The following WWC1 variants were observed in gnomAD, a reference collection of about 807,000 sequenced individuals.
The protein encoded by WWC1 is protein KIBRA.
A neutral mutation model predicts 138.4 loss-of-function variants in WWC1; 55 were observed. The observed-to-expected ratio is 0.40, with a 90% CI of 0.32 to 0.50. WWC1 has a LOEUF of 0.50. Ranked by LOEUF, WWC1 falls within the 20% of genes least tolerant of loss-of-function variation. The probability of loss-of-function intolerance (pLI) is 0.72; values close to 1 mark genes in which losing one functional copy is unlikely to be tolerated. For synonymous variants in WWC1, 524 were observed against 564.9 expected, an observed-to-expected ratio of 0.93 and a Z score of 1.03; for missense variants, 1,226 against 1,420.4, an observed-to-expected ratio of 0.86 and a Z score of 2.20.
At chr5:168,386,229 T>G (rs1778034731) in intron 3 of WWC1, among the ~76,000 whole-genome samples, 1 of 151,868 alleles carries the variant, frequency 6.6e-6, no homozygotes, top group African/African-American at 2.4e-5. Flanking sequence ...GGCTGTCTGT[T>G]TATTTCCTTC....
chr5:168,424,781 A>G (rs1781375601), intron 11 of WWC1, among the ~76,000 whole-genome samples: 1 of 152,112 alleles, frequency 6.6e-6, no homozygotes, highest in African/African-American at 2.4e-5. Context: ...AGGAGTTTGG[A>G]TTTTATCCTA....
intron 2 of WWC1, among the ~76,000 whole-genome samples, chr5:168,374,513 G>A (rs893989947): frequency 8.5e-5 from 13 of 152,106 alleles, no homozygotes; most frequent in East Asian, 7.7e-4. Context: ...CACATTTAGC[G>A]GTCAAGGGAT....
intron 10 of WWC1, among the ~76,000 whole-genome samples, chr5:168,423,267 T>C (rs1301101908): frequency 6.6e-6 from 1 of 151,862 alleles, no homozygotes; most frequent in East Asian, 1.9e-4. Flanking sequence ...ACGTAGCCAA[T>C]TGGAGCTTTG....
At chr5:168,362,418 A>G (rs1365036166) in intron 1 of WWC1, among the ~76,000 whole-genome samples, 1 of 152,242 alleles carries the variant, frequency 6.6e-6, no homozygotes, top group Non-Finnish European at 1.5e-5. Context: ...GCCTGGATTC[A>G]AAGCCAGTGA....
At chr5:168,338,077 A>G (rs548609840) in intron 1 of WWC1, among the ~76,000 whole-genome samples, 2 of 152,042 alleles carry the variant, frequency 1.3e-5, no homozygotes, top group Non-Finnish European at 2.9e-5. Context: ...TTGGGAGGCC[A>G]AGGTGGGCAG....
At chr5:168,330,257 T>C (rs1772918582) in intron 1 of WWC1, among the ~76,000 whole-genome samples, 1 of 152,170 alleles carries the variant, frequency 6.6e-6, no homozygotes, top group African/African-American at 2.4e-5. Context: ...GGCAATCGGC[T>C]TGGGACCCAC....
chr5:168,375,259 G>A (rs142492095), intron 2 of WWC1, among the ~76,000 whole-genome samples: 1 of 152,124 alleles, frequency 6.6e-6, no homozygotes, highest in South Asian at 2.1e-4. Context: ...AGGGTGGCAA[G>A]AAGAGGAAAA....
chr5:168,419,170 C>T (rs1268251374), intron 9 of WWC1, among the ~76,000 whole-genome samples: 2 of 152,144 alleles, frequency 1.3e-5, no homozygotes, highest in African/African-American at 4.8e-5. Flanking sequence ...TGGAAATGAG[C>T]CCTTTCTCCC....
chr5:168,377,965 C>T (rs1435996535), intron 2 of WWC1, among the ~76,000 whole-genome samples: 1 of 152,192 alleles, frequency 6.6e-6, no homozygotes, highest in African/African-American at 2.4e-5. Flanking sequence ...ACCAAAAAGA[C>T]ACATGCACTC....
intron 22 of WWC1, among the ~76,000 whole-genome samples, 185 bp from the exon 23 acceptor site, chr5:168,468,766 T>TA (rs1757512540): frequency 6.6e-6 from 1 of 152,096 alleles, no homozygotes; most frequent in Non-Finnish European, 1.5e-5. Flanking sequence ...GAGCTTACGT[T>TA]TTGGGTTGTC....
At chr5:168,415,800 G>GTGTGTGT (rs1561732748) in intron 9 of WWC1, 2 of 18,126 alleles carry the variant, frequency 1.1e-4, no homozygotes, top group African/African-American at 3.3e-4. Flanking sequence ...TGTGTGTGTG[G>GTGTGTGT]GGGGGGGGGG....
At chr5:168,304,622 G>C (rs1412776610) in intron 1 of WWC1, among the ~76,000 whole-genome samples, 1 of 152,040 alleles carries the variant, frequency 6.6e-6, no homozygotes, top group Non-Finnish European at 1.5e-5. Context: ...CAGAAACTCT[G>C]GGGGTACAGC....
chr5:168,367,956 C>CACAG (rs1202239116), intron 1 of WWC1, among the ~76,000 whole-genome samples: 15 of 151,854 alleles, frequency 9.9e-5, no homozygotes, highest in African/African-American at 3.6e-4. Context: ...TTTACTAACA[C>CACAG]ACACACACAC....
intron 11 of WWC1, among the ~76,000 whole-genome samples, chr5:168,426,488 A>G (rs1248893814): frequency 2.0e-5 from 3 of 152,174 alleles, no homozygotes; most frequent in African/African-American, 7.2e-5. Context: ...CATTTCCTTC[A>G]TGCCATCTCC....
intron 1 of WWC1, among the ~76,000 whole-genome samples, chr5:168,313,220 G>A (rs982023613): frequency 9.2e-5 from 14 of 152,162 alleles, no homozygotes; most frequent in African/African-American, 3.4e-4. Flanking sequence ...CTGTTTGTCT[G>A]TGTGATTCCT....
Position 168,292,112 on chromosome 5 carries a change from G to T in WWC1, c.-41G>T, listed in dbSNP as rs1344343827. Reference sequence around the variant, plus strand: ...CTGGAGCCGCTGAGCCCCCGCTGCGGCCGGGAGCTGCATGGGGGAGCGCCG... The same window carrying T: ...CTGGAGCCGCTGAGCCCCCGCTGCGTCCGGGAGCTGCATGGGGGAGCGCCG... On this transcript the variant is annotated 5_prime_UTR_variant, in exon 1 of 23. Coordinates refer to ENST00000265293, the MANE Select transcript of WWC1 (RefSeq NM_015238.3). This position sits in a 1 kb window ranked among gnomAD's most constrained non-coding sequence, Gnocchi z 4.4. The T allele has an allele frequency of 1.3e-6, 2 of 1,501,796 alleles. No individual in the cohort carries two copies. Among genetic ancestry groups the T allele is most frequent in the Non-Finnish European group, 1.8e-6 (2 of 1,125,930 alleles). 93.0% of individuals were successfully genotyped at this position (1,501,796 alleles called of 1,614,324 possible).
chr5:168,382,488 T>C (rs1295032878), intron 2 of WWC1, among the ~76,000 whole-genome samples: 1 of 152,204 alleles, frequency 6.6e-6, no homozygotes, highest in Non-Finnish European at 1.5e-5. Context: ...TTCTAAAAGT[T>C]GCAAACTTTA....
At chr5:168,406,583 A>G (rs1003751399) in intron 6 of WWC1, among the ~76,000 whole-genome samples, 2 of 152,226 alleles carry the variant, frequency 1.3e-5, no homozygotes, top group Non-Finnish European at 2.9e-5. Context: ...CAAAGGCCAC[A>G]TCCTTGCCAC....
In WWC1 at chr5:168,354,057, C is replaced by CT. The variant is rs376967449; in HGVS notation, c.120-17356dup. Among the ~76,000 whole-genome samples the CT allele has an allele frequency of 3.6e-3, 522 of 146,244 alleles. 2 individuals are homozygous for CT. The highest frequency in any genetic ancestry group is 5.6e-3 in the Non-Finnish European group (370 of 66,016). On this transcript the variant is annotated intron_variant, in intron 1 of 22. Coordinates refer to ENST00000265293, the MANE Select transcript of WWC1 (RefSeq NM_015238.3). ...ATGAGTGCTTTTTCTTTTTTTCTTT[C>CT]TTTTTTTTTTTGAGATGGAATCTTG...
Sources: gnomAD v4.1 joint callset for allele counts (sites outside exome capture counted in the v4.1 genomes callset) on GRCh38, gnomAD v4.1.1 for gene constraint, Gnocchi (gnomAD v3.1) non-coding constraint, MANE v1.5 for transcripts, NCBI Gene and HGNC (gene_info 2026-07-23, HGNC 2026-07-21) for gene names.